DDR2: variants seen among roughly 807,000 people sequenced by gnomAD.
DDR2 encodes discoidin domain receptor tyrosine kinase 2, also known as discoidin domain-containing receptor 2.
Under a neutral mutation model 94.9 loss-of-function variants are expected in DDR2, and 27 were observed. The observed-to-expected ratio is 0.28, with a 90% CI of 0.21 to 0.39. The LOEUF (loss-of-function observed/expected upper bound fraction) is 0.39, where lower values mean the gene tolerates loss of function less well. Among genes scored for constraint, DDR2 ranks in the 10% least tolerant of loss-of-function variants. The pLI, the probability that DDR2 is intolerant of heterozygous loss-of-function variation, is 1.00. For synonymous variants in DDR2, 382 were observed against 377.2 expected (o/e 1.01, Z -0.15); for missense variants, 783 against 1,076.0 (o/e 0.73, Z 3.81).
intron 2 of DDR2, among the ~76,000 whole-genome samples, chr1:162,712,767 A>G (rs1463356209): frequency 1.3e-5 from 2 of 152,206 alleles, no homozygotes; most frequent in East Asian, 1.9e-4. Context: ...TTTGGTAAAT[A>G]TTGGGCTGTG....
At chr1:162,709,419 C>T (rs1660797690) in intron 2 of DDR2, among the ~76,000 whole-genome samples, 1 of 152,220 alleles carries the variant, frequency 6.6e-6, no homozygotes, top group Non-Finnish European at 1.5e-5. Flanking sequence ...GGGGCCTGGC[C>T]TTGCCTGTGA....
chr1:162,773,673 C>A (rs2102190328), intron 14 of DDR2, 77 bp downstream of exon 14: 1 of 1,595,236 alleles, frequency 6.3e-7, no homozygotes, highest in Non-Finnish European at 8.6e-7. Context: ...TACTTCTGAG[C>A]AATTTTTTCT....
chr1:162,640,226 C>T (rs1210086349), intron 1 of DDR2, among the ~76,000 whole-genome samples: 1 of 151,738 alleles, frequency 6.6e-6, no homozygotes, highest in Non-Finnish European at 1.5e-5. Context: ...ATTTTTAGTA[C>T]AGACAGGGTT....
intron 3 of DDR2, among the ~76,000 whole-genome samples, chr1:162,749,298 A>G (rs1428166697): frequency 6.6e-6 from 1 of 152,244 alleles, no homozygotes; most frequent in Non-Finnish European, 1.5e-5. Flanking sequence ...AATCAAATAG[A>G]TACAATAAAA....
In DDR2 at chr1:162,759,970, T is replaced by C. The variant is rs780045733; in HGVS notation, c.846T>C (p.Thr282=). 5 of 1,614,132 alleles carry C rather than the reference T, an allele frequency of 3.1e-6. No individual in the cohort carries two copies. The South Asian group carries it at 5.5e-5, about 18-fold the overall frequency. The change falls in exon 8 of 18, where the codon ACT becomes ACC. Residue 282 remains threonine (T), a synonymous_variant. Transcript: ENST00000367921. The part of the protein sequence containing the change: ...MFEFDRIRNF[T]TMKVHCNNMF... ...AATTTGACCGCATCAGGAATTTCAC[T>C]ACCATGAAGGTCAGTGGGGTCGGGT...
intron 3 of DDR2, among the ~76,000 whole-genome samples, chr1:162,737,365 G>T: frequency 8.3e-6 from 1 of 120,750 alleles, no homozygotes. Context: ...GTGTCCATGT[G>T]ATCTCATTGT....
At chr1:162,742,645 A>G (rs1662668064) in intron 3 of DDR2, among the ~76,000 whole-genome samples, 1 of 146,244 alleles carries the variant, frequency 6.8e-6, no homozygotes, top group Non-Finnish European at 1.5e-5. Flanking sequence ...ATTGGGGATT[A>G]CTTTTCAGTA....
chr1:162,772,476 A>C, intron 13 of DDR2: 1 of 551,880 alleles, frequency 1.8e-6, no homozygotes, highest in Non-Finnish European at 3.3e-6. Context: ...TAAGGCAGGC[A>C]AGTCACTAGA....
At chr1:162,647,909 C>T (rs987124981) in intron 1 of DDR2, among the ~76,000 whole-genome samples, 3 of 152,182 alleles carry the variant, frequency 2.0e-5, no homozygotes, top group Non-Finnish European at 4.4e-5. Flanking sequence ...CGTCCTGTCT[C>T]ATCCTGGGAC....
At chr1:162,723,364 G>C (rs566317497) in intron 3 of DDR2, among the ~76,000 whole-genome samples, 11 of 152,256 alleles carry the variant, frequency 7.2e-5, no homozygotes, top group African/African-American at 2.6e-4. Flanking sequence ...TGCCAAACTT[G>C]ATAGGAGAAC....
intron 2 of DDR2, among the ~76,000 whole-genome samples, chr1:162,683,886 G>T (rs996737269): frequency 6.6e-6 from 1 of 151,858 alleles, no homozygotes. Flanking sequence ...ATAGAAAGAG[G>T]ATTATTCTAA....
chr1:162,642,434 G>A (rs1392951476), intron 1 of DDR2, among the ~76,000 whole-genome samples: 6 of 148,000 alleles, frequency 4.1e-5, no homozygotes, highest in African/African-American at 1.5e-4. Context: ...CACCATGCCC[G>A]GCTAATTTTC....
intron 1 of DDR2, among the ~76,000 whole-genome samples, chr1:162,634,585 C>A (rs1656725460): frequency 6.6e-6 from 1 of 152,184 alleles, no homozygotes; most frequent in Non-Finnish European, 1.5e-5. Context: ...AAATGGGTGG[C>A]CTCAGTCTTA....
intron 3 of DDR2, among the ~76,000 whole-genome samples, chr1:162,724,538 A>G (rs998790074): frequency 2.0e-5 from 3 of 152,102 alleles, no homozygotes; most frequent in Non-Finnish European, 2.9e-5. Context: ...TTGTGCCTTT[A>G]TCACCGCTCC....
At position 162,755,144 on chromosome 1, in the gene DDR2, C is replaced by T. The variant is rs748670636; in HGVS notation, c.418-12C>T. The T allele has an allele frequency of 1.1e-5, 18 of 1,613,990 alleles. No individual in the cohort carries two copies. In the East Asian group the frequency reaches 4.0e-4, roughly 36 times the overall value. On this transcript the variant is annotated splice_polypyrimidine_tract_variant and intron_variant, in intron 5 of 17. Transcript: ENST00000367921. ...ATACCACCTCTTCACTCATTCTCTT[C>T]TCTCTCCTCAGGTGCTGGATGGAAA... is the stretch of plus-strand genomic sequence containing the variant.
At chr1:162,709,370 A>G (rs16843763) in intron 2 of DDR2, among the ~76,000 whole-genome samples, 7,452 of 152,280 alleles carry the variant, frequency 0.049, 626 homozygotes, top group African/African-American at 0.17. Context: ...GCTAATAGGG[A>G]TAGCGTGATA....
chr1:162,751,027 C>G (rs904235505), intron 3 of DDR2, among the ~76,000 whole-genome samples: 2 of 151,996 alleles, frequency 1.3e-5, no homozygotes, highest in East Asian at 3.9e-4. Context: ...ATGTTAGACC[C>G]AAAACCATAA....
At position 162,776,100 on chromosome 1, in the gene DDR2, A is replaced by G. The variant is rs778723743; in HGVS notation, c.2049-36A>G. On this transcript the variant is annotated intron_variant, in intron 15 of 17. Coordinates refer to ENST00000367921, the MANE Select transcript of DDR2 (RefSeq NM_006182.4). ...GTACCTTTCACATCTTCCTGTTTCC[A>G]TAGGCTACCTTCTGTCTTCTTGTCT... 12 of 1,568,102 alleles carry G rather than the reference A, an allele frequency of 7.7e-6. No individual in the cohort carries two copies. The Admixed American group carries it at 1.0e-4, about 13-fold the overall frequency.
In DDR2 at chr1:162,680,071, A is replaced by C. The variant is rs112174246; in HGVS notation, c.-28+24697A>C. On this transcript the variant is annotated intron_variant, in intron 2 of 17. Transcript: ENST00000367921. ...GTTGTTCCCCTCCTAGTTTGCAAAT[A>C]TTTTCTCCCATTCTGTAGGTTATTT... Among the ~76,000 whole-genome samples, 537 of 151,954 alleles carry C rather than the reference A, an allele frequency of 3.5e-3. 3 individuals carry two copies. Among genetic ancestry groups the C allele is most frequent in the African/African-American group, 0.012 (512 of 41,458 alleles).
Sources: allele counts gnomAD v4.1 joint callset (sites outside exome capture counted in the v4.1 genomes callset), GRCh38; gene constraint gnomAD v4.1.1; transcripts MANE v1.5; gene names NCBI Gene and HGNC (gene_info 2026-07-23, HGNC 2026-07-21).